Variants in DNAJC3 observed in about 807,000 individuals in gnomAD.
The protein encoded by DNAJC3 is dnaJ homolog subfamily C member 3.
In DNAJC3, 38 loss-of-function variants were observed where a neutral mutation model predicts 68.6. That is an observed-to-expected ratio of 0.55 (90% CI 0.43 to 0.73). The LOEUF (loss-of-function observed/expected upper bound fraction) is 0.73. Ranked by LOEUF, DNAJC3 falls within the 30% of genes least tolerant of loss-of-function variation. The pLI is 0.00. For missense variants in DNAJC3, 526 were observed against 591.9 expected, an observed-to-expected ratio of 0.89 and a Z score of 1.16; for synonymous variants, 203 against 204.0, an observed-to-expected ratio of 1.00 and a Z score of 0.04.
At chr13:95,760,564 TATGGTTTTTGTTTAATCGTTGCAAA>T in intron 6 of DNAJC3, 90 bp from the exon 7 acceptor site, 1 of 1,319,070 alleles carries the variant, frequency 7.6e-7, no homozygotes, top group South Asian at 1.5e-5. Context: ...TAAGTCTCAG[TATGGTTTTTGTTTAATCGTTGCAAA>T]CAAAAAATAC....
chr13:95,688,969 C>CGT (rs1593951631), intron 1 of DNAJC3, among the ~76,000 whole-genome samples: 1 of 143,396 alleles, frequency 7.0e-6, no homozygotes, highest in South Asian at 2.1e-4. Flanking sequence ...TGTGTGTGCG[C>CGT]GCTGTTGGAT....
chr13:95,709,882 G>A (rs1371052618), intron 2 of DNAJC3, among the ~76,000 whole-genome samples: 2 of 152,072 alleles, frequency 1.3e-5, no homozygotes, highest in East Asian at 1.9e-4. Flanking sequence ...CTCGTGATCC[G>A]CCCGCCTCGG....
At position 95,764,369 on chromosome 13, in the gene DNAJC3, C is replaced by A. The variant is rs1295388360; in HGVS notation, c.1075+416C>A. On this transcript the variant is annotated intron_variant, in intron 9 of 11. Coordinates refer to ENST00000602402, the MANE Select transcript of DNAJC3 (RefSeq NM_006260.5). ...ATATTCTCTCTCTCTCTCTCTCTCT[C>A]TCTCTCTATATATATATATATATAT... is the stretch of plus-strand genomic sequence containing the variant. Among the ~76,000 whole-genome samples, 1,068 of 136,642 alleles carry A rather than the reference C, an allele frequency of 7.8e-3. 12 individuals carry two copies. Among genetic ancestry groups the A allele is most frequent in the African/African-American group, 0.029 (895 of 30,760 alleles). 89.6% of individuals were successfully genotyped at this position (136,642 alleles called of 152,430 possible). A position where few individuals can be genotyped will look rare whatever the true frequency, so the allele number is the denominator to read the frequency against.
intron 4 of DNAJC3, among the ~76,000 whole-genome samples, chr13:95,755,094 G>C (rs1306384697): frequency 2.0e-5 from 3 of 152,094 alleles, no homozygotes; most frequent in African/African-American, 4.8e-5. Flanking sequence ...TCTACATGCA[G>C]GTGTAGAGAA....
chr13:95,786,199 T>C, intron 10 of DNAJC3, 128 bp downstream of exon 10: 1 of 987,606 alleles, frequency 1.0e-6, no homozygotes, highest in Non-Finnish European at 1.4e-6. Context: ...GATTAAACCT[T>C]AACAGTCTTT....
chr13:95,729,199 CTCTT>C (rs1299579012), intron 4 of DNAJC3, among the ~76,000 whole-genome samples: 4 of 149,936 alleles, frequency 2.7e-5, no homozygotes, highest in East Asian at 4.0e-4. Flanking sequence ...CTCTCTCTCT[CTCTT>C]TCTCTCTCTC....
chr13:95,694,163 C>A (rs898572384), intron 1 of DNAJC3: 3 of 152,290 alleles, frequency 2.0e-5, no homozygotes, highest in East Asian at 3.9e-4. Flanking sequence ...ATTGTAATCA[C>A]CACCCCATCA....
chr13:95,785,828 A>G, intron 9 of DNAJC3, 111 bp from the exon 10 acceptor site: 1 of 1,031,496 alleles, frequency 9.7e-7, no homozygotes. Flanking sequence ...AATAATGGCC[A>G]AAGAGTGAAG....
At chr13:95,786,225 C>CT (rs1883598548) in intron 10 of DNAJC3, among the ~76,000 whole-genome samples, 154 bp downstream of exon 10, 1 of 152,116 alleles carries the variant, frequency 6.6e-6, no homozygotes, top group South Asian at 2.1e-4. Context: ...TAGAAAGCTA[C>CT]TTTGAGTATT....
At chr13:95,740,047 G>T (rs531452479) in intron 4 of DNAJC3, among the ~76,000 whole-genome samples, 2 of 152,096 alleles carry the variant, frequency 1.3e-5, no homozygotes, top group Non-Finnish European at 2.9e-5. Context: ...ACCCTTAGCT[G>T]CAGGTCTGTT....
At chr13:95,749,622 T>G (rs1481569746) in intron 4 of DNAJC3, among the ~76,000 whole-genome samples, 1 of 152,124 alleles carries the variant, frequency 6.6e-6, no homozygotes, top group East Asian at 1.9e-4. Flanking sequence ...TCCCTGTTAC[T>G]GAGATGCCAT....
intron 3 of DNAJC3, among the ~76,000 whole-genome samples, chr13:95,723,883 G>T (rs1467377915): frequency 6.6e-6 from 1 of 152,160 alleles, no homozygotes; most frequent in Non-Finnish European, 1.5e-5. Context: ...CTGATGATTG[G>T]CAGGTCACCA....
At chr13:95,722,721 G>A (rs1276182195) in intron 2 of DNAJC3, among the ~76,000 whole-genome samples, 1 of 148,176 alleles carries the variant, frequency 6.7e-6, no homozygotes, top group Non-Finnish European at 1.5e-5. Context: ...TCAGAAGGCT[G>A]AGGTGGCAGG....
chr13:95,731,259 A>G (rs1020901755), intron 4 of DNAJC3, among the ~76,000 whole-genome samples: 1 of 152,144 alleles, frequency 6.6e-6, no homozygotes, highest in Non-Finnish European at 1.5e-5. Flanking sequence ...ATTTGACTTC[A>G]TGTTTTTCAA....
At chr13:95,722,500 C>T (rs1182071954) in intron 2 of DNAJC3, among the ~76,000 whole-genome samples, 1 of 151,794 alleles carries the variant, frequency 6.6e-6, no homozygotes, top group Non-Finnish European at 1.5e-5. Flanking sequence ...AGGCTGGGTG[C>T]AGTGGCTCAT....
intron 9 of DNAJC3, among the ~76,000 whole-genome samples, chr13:95,778,361 C>T (rs1883344334): frequency 6.6e-6 from 1 of 152,156 alleles, no homozygotes; most frequent in Non-Finnish European, 1.5e-5. Context: ...GCAACTCTGG[C>T]AACATGCTCA....
At chr13:95,680,500 G>T (rs564827707) in intron 1 of DNAJC3, among the ~76,000 whole-genome samples, 4 of 152,272 alleles carry the variant, frequency 2.6e-5, no homozygotes, top group Middle Eastern at 6.8e-3. Flanking sequence ...TAGCAAAAAT[G>T]AGTGACTTTA....
chr13:95,734,002 G>T (rs1235386830), intron 4 of DNAJC3, among the ~76,000 whole-genome samples: 1 of 152,010 alleles, frequency 6.6e-6, no homozygotes, highest in Non-Finnish European at 1.5e-5. Context: ...CATATTGTTT[G>T]TTGTTTTCTG....
chr13:95,690,934 C>G (rs1469076664), intron 1 of DNAJC3, among the ~76,000 whole-genome samples: 1 of 136,744 alleles, frequency 7.3e-6, no homozygotes, highest in Non-Finnish European at 1.6e-5. Flanking sequence ...CCCCCCACCT[C>G]CCTCCCGGAC....
Sources: allele counts gnomAD v4.1 joint callset (sites outside exome capture counted in the v4.1 genomes callset), GRCh38; gene constraint gnomAD v4.1.1; transcripts MANE v1.5; gene names NCBI Gene and HGNC (gene_info 2026-07-23, HGNC 2026-07-21).